The following ANGPT1 variants were observed in gnomAD, a reference collection of about 807,000 sequenced individuals.
The protein encoded by ANGPT1 is angiopoietin 1.
In ANGPT1, 17 loss-of-function variants were observed where a neutral mutation model predicts 62.2. That is an observed-to-expected ratio of 0.27 (90% CI 0.19 to 0.41). The LOEUF is 0.41. ANGPT1 is among the 10% of genes least tolerant of loss of function. The probability of loss-of-function intolerance (pLI) is 1.00; values close to 1 mark genes in which losing one functional copy is unlikely to be tolerated. For synonymous variants in ANGPT1, 199 were observed against 198.9 expected, an observed-to-expected ratio of 1.00 and a Z score of 0.00; for missense variants, 478 against 594.9, an observed-to-expected ratio of 0.80 and a Z score of 2.04.
At chr8:107,314,331 A>G (rs1256539823) in intron 4 of ANGPT1, among the ~76,000 whole-genome samples, 2 of 152,204 alleles carry the variant, frequency 1.3e-5, no homozygotes, top group Non-Finnish European at 2.9e-5. Flanking sequence ...TCTGAAGTTA[A>G]AAACTCCAAT....
intron 4 of ANGPT1, among the ~76,000 whole-genome samples, chr8:107,318,942 T>C (rs897791694): frequency 2.0e-5 from 3 of 152,176 alleles, no homozygotes; most frequent in African/African-American, 7.2e-5. Flanking sequence ...GATCCCATTT[T>C]AGAGATCAGA....
chr8:107,297,161 A>T (rs1814435913), intron 5 of ANGPT1, among the ~76,000 whole-genome samples: 1 of 152,084 alleles, frequency 6.6e-6, no homozygotes, highest in South Asian at 2.1e-4. Flanking sequence ...ACCCAGGCAG[A>T]TTACTAAGTT....
At chr8:107,487,452 A>T (rs1227660431) in intron 1 of ANGPT1, among the ~76,000 whole-genome samples, 1 of 152,182 alleles carries the variant, frequency 6.6e-6, no homozygotes, top group African/African-American at 2.4e-5. Context: ...TTTCATTTCT[A>T]AAACAATAAG....
chr8:107,373,182 C>A (rs1816450311), intron 1 of ANGPT1, among the ~76,000 whole-genome samples: 1 of 152,100 alleles, frequency 6.6e-6, no homozygotes, highest in South Asian at 2.1e-4. Flanking sequence ...GTAAATCCTT[C>A]TCCATTTCCT....
intron 8 of ANGPT1, among the ~76,000 whole-genome samples, chr8:107,255,998 T>C (rs1813348984): frequency 6.6e-6 from 1 of 152,228 alleles, no homozygotes. Flanking sequence ...AACTGTACAA[T>C]GTTCATGTTA....
intron 1 of ANGPT1, among the ~76,000 whole-genome samples, chr8:107,353,323 G>A (rs1421004639): frequency 6.6e-6 from 1 of 152,162 alleles, no homozygotes; most frequent in Non-Finnish European, 1.5e-5. Flanking sequence ...AATGTCAGAT[G>A]TCAGGTCATG....
At chr8:107,424,160 T>TA (rs11400808) in intron 1 of ANGPT1, among the ~76,000 whole-genome samples, 91,209 of 149,780 alleles carry the variant, frequency 0.61, 27,893 homozygotes, top group East Asian at 0.69. Context: ...CTTATTAAGT[T>TA]AAAAAAAAAA....
intron 1 of ANGPT1, among the ~76,000 whole-genome samples, chr8:107,445,623 A>G (rs550010559): frequency 6.6e-6 from 1 of 152,278 alleles, no homozygotes; most frequent in East Asian, 1.9e-4. Context: ...AGAACTTCCA[A>G]TTAACTTTTA....
At chr8:107,307,354 C>CCCTTGTAG (rs955664025) in intron 4 of ANGPT1, among the ~76,000 whole-genome samples, 7 of 152,156 alleles carry the variant, frequency 4.6e-5, no homozygotes, top group Admixed American at 2.0e-4. Flanking sequence ...TTTCTCAACC[C>CCCTTGTAG]CCTTGTAGAC....
At chr8:107,465,100 T>C (rs1164878585) in intron 1 of ANGPT1, among the ~76,000 whole-genome samples, 1 of 152,108 alleles carries the variant, frequency 6.6e-6, no homozygotes, top group Non-Finnish European at 1.5e-5. Context: ...GGATTTGAGT[T>C]GGAATGGAAA....
chr8:107,279,033 T>C (rs1813932616), intron 7 of ANGPT1, among the ~76,000 whole-genome samples: 1 of 152,184 alleles, frequency 6.6e-6, no homozygotes, highest in Non-Finnish European at 1.5e-5. Flanking sequence ...CTTCTCAGCC[T>C]CCACATCCTG....
chr8:107,413,726 A>C (rs549272892), intron 1 of ANGPT1, among the ~76,000 whole-genome samples: 1 of 151,894 alleles, frequency 6.6e-6, no homozygotes, highest in Admixed American at 6.6e-5. Flanking sequence ...TAAAACAAAA[A>C]TAATTTTTTA....
At chr8:107,492,956 T>C in intron 1 of ANGPT1, among the ~76,000 whole-genome samples, 1 of 150,446 alleles carries the variant, frequency 6.6e-6, no homozygotes, top group East Asian at 2.0e-4. Context: ...TTCTTGTGCT[T>C]ATAGAAGTAC....
At chr8:107,412,615 G>A (rs192507002) in intron 1 of ANGPT1, among the ~76,000 whole-genome samples, 2 of 152,254 alleles carry the variant, frequency 1.3e-5, no homozygotes, top group African/African-American at 4.8e-5. Flanking sequence ...AATCCGCATT[G>A]AGTATATCCC....
intron 1 of ANGPT1, among the ~76,000 whole-genome samples, chr8:107,429,311 G>T (rs1586314951): frequency 6.6e-6 from 1 of 152,140 alleles, no homozygotes; most frequent in African/African-American, 2.4e-5. Flanking sequence ...AGTGAAACCC[G>T]GACTTCCCGG....
At chr8:107,276,463 A>G (rs150595843) in intron 7 of ANGPT1, among the ~76,000 whole-genome samples, 276 of 152,274 alleles carry the variant, frequency 1.8e-3, no homozygotes, top group African/African-American at 6.5e-3. Context: ...TCAGAGAAAT[A>G]AGAAACATTT....
At chr8:107,331,062 A>C (rs1352404572) in intron 3 of ANGPT1, among the ~76,000 whole-genome samples, 1 of 152,160 alleles carries the variant, frequency 6.6e-6, no homozygotes. Context: ...GTTTAATGTT[A>C]GAAGTTAGCA....
chr8:107,375,505 TAAG>T (rs1816512359), intron 1 of ANGPT1, among the ~76,000 whole-genome samples: 1 of 152,146 alleles, frequency 6.6e-6, no homozygotes, highest in African/African-American at 2.4e-5. Flanking sequence ...TGCTGAAGTG[TAAG>T]AAGGCCAGCC....
Position 107,371,711 on chromosome 8 carries a change from G to A in ANGPT1, c.298-24614C>T, listed in dbSNP as rs146799009. 2.2e-4 allele frequency among the ~76,000 whole-genome samples: 33 copies of A among 151,328 alleles called. No homozygotes were observed. The East Asian group carries it at 6.5e-3, about 30-fold the overall frequency. On this transcript the variant is annotated intron_variant, in intron 1 of 8. Coordinates refer to ENST00000517746, the MANE Select transcript of ANGPT1 (RefSeq NM_001146.5). The stretch of plus-strand genomic sequence containing the variant: ...CCAGCCTCAACCTCCCTAGTAGCTG[G>A]GTTTACAGGCACCCACCAGCAGGCC...
Sources: allele counts gnomAD v4.1 joint callset (sites outside exome capture counted in the v4.1 genomes callset), GRCh38; gene constraint gnomAD v4.1.1; transcripts MANE v1.5; gene names NCBI Gene and HGNC (gene_info 2026-07-23, HGNC 2026-07-21).